Variants in NIM1K observed in about 807,000 individuals in gnomAD.
NIM1K encodes serine/threonine-protein kinase NIM1.
In NIM1K, 35 loss-of-function variants were observed where a neutral mutation model predicts 37.1. That is an observed-to-expected ratio of 0.94 (90% CI 0.72 to 1.25). The LOEUF (loss-of-function observed/expected upper bound fraction) is 1.25, where lower values mean the gene tolerates loss of function less well. Among genes scored for constraint, NIM1K ranks in the 50% most tolerant of loss-of-function variants. The pLI is 0.00. For missense variants in NIM1K, 564 were observed against 548.0 expected, an observed-to-expected ratio of 1.03 and a Z score of -0.29; for synonymous variants, 234 against 206.6, an observed-to-expected ratio of 1.13 and a Z score of -1.14.
chr5:43,201,871 A>G (rs991152714), intron 1 of NIM1K, among the ~76,000 whole-genome samples: 18 of 151,774 alleles, frequency 1.2e-4, no homozygotes, highest in African/African-American at 4.4e-4. Flanking sequence ...AGGCAGGAGA[A>G]TCACTTGAAC....
intron 2 of NIM1K, among the ~76,000 whole-genome samples, chr5:43,250,359 A>G (rs1351987982): frequency 6.6e-6 from 1 of 152,208 alleles, no homozygotes; most frequent in African/African-American, 2.4e-5. Context: ...CTTAGCCACT[A>G]TTGGTTAACA....
At chr5:43,273,348 C>T (rs999010002) in intron 2 of NIM1K, among the ~76,000 whole-genome samples, 1 of 151,974 alleles carries the variant, frequency 6.6e-6, no homozygotes, top group African/African-American at 2.4e-5. Context: ...GAATTACAGG[C>T]GGCTGCCACC....
At chr5:43,228,798 T>C (rs1752497488) in intron 1 of NIM1K, among the ~76,000 whole-genome samples, 2 of 152,096 alleles carry the variant, frequency 1.3e-5, no homozygotes, top group African/African-American at 2.4e-5. Context: ...TCCACTGTAC[T>C]CCAGCCTGGG....
chr5:43,204,744 C>A (rs966425373), intron 1 of NIM1K, among the ~76,000 whole-genome samples: 26 of 150,366 alleles, frequency 1.7e-4, no homozygotes, highest in Admixed American at 3.3e-4. Flanking sequence ...TGGTGGCTCA[C>A]GCCTGTAATC....
At chr5:43,279,207 G>A (rs368714628) in intron 3 of NIM1K, among the ~76,000 whole-genome samples, 2 of 152,252 alleles carry the variant, frequency 1.3e-5, no homozygotes, top group South Asian at 2.1e-4. Flanking sequence ...CGTAGTTAGC[G>A]TCATATATAG....
intron 1 of NIM1K, chr5:43,240,183 C>G (rs1202929223): frequency 1.3e-5 from 2 of 151,802 alleles, no homozygotes; most frequent in Non-Finnish European, 1.5e-5. Context: ...AAGTGATTCT[C>G]CCACTTTGGC....
chr5:43,214,727 A>C (rs964888910), intron 1 of NIM1K, among the ~76,000 whole-genome samples: 3 of 151,046 alleles, frequency 2.0e-5, no homozygotes, highest in Non-Finnish European at 2.9e-5. Flanking sequence ...GAGGCAGGAG[A>C]ATGGCGTGAA....
intron 2 of NIM1K, among the ~76,000 whole-genome samples, chr5:43,257,730 A>G (rs954232891): frequency 6.6e-6 from 1 of 151,946 alleles, no homozygotes; most frequent in Non-Finnish European, 1.5e-5. Flanking sequence ...AGTGGAGTCA[A>G]GAGAGGCTTT....
intron 1 of NIM1K, among the ~76,000 whole-genome samples, chr5:43,208,063 C>G (rs950705228): frequency 3.3e-5 from 5 of 152,094 alleles, no homozygotes; most frequent in African/African-American, 1.2e-4. Flanking sequence ...ACTGACCCCC[C>G]CTGGAATGTG....
At chr5:43,264,880 C>T (rs1309402004) in intron 2 of NIM1K, among the ~76,000 whole-genome samples, 2 of 152,158 alleles carry the variant, frequency 1.3e-5, no homozygotes, top group East Asian at 3.8e-4. Flanking sequence ...ACTTATGAAG[C>T]TTAGTTTGAC....
At chr5:43,241,799 T>A (rs1423953848) in intron 1 of NIM1K, among the ~76,000 whole-genome samples, 2 of 152,046 alleles carry the variant, frequency 1.3e-5, no homozygotes, top group Non-Finnish European at 2.9e-5. Context: ...AAAATTACAA[T>A]TTTATGTAGT....
At position 43,280,572 on chromosome 5, in the gene NIM1K, G is replaced by A; in HGVS notation, c.1154G>A (p.Gly385Glu). The A allele has an allele frequency of 6.2e-7, 1 of 1,614,088 alleles. No individual in the cohort carries two copies. The highest frequency in any genetic ancestry group is 8.5e-7 in the Non-Finnish European group (1 of 1,180,018). ...AGAGATGCTCGCAGCTCAATCACAG[G>A]GGTCTATAGAATTATTTTACATAGA... ...QGRDARSSIT[G>E]VYRIILHRVQ... The change falls in exon 4 of 4, where the codon GGG becomes GAG. Residue 385 changes from glycine (G) to glutamate (E), a missense_variant. Gly to Glu is a moderately conservative substitution (Grantham distance 98, BLOSUM62 -2). Transcript: ENST00000326035.
intron 1 of NIM1K, among the ~76,000 whole-genome samples, chr5:43,237,300 G>A (rs2112251448): frequency 6.6e-6 from 1 of 152,324 alleles, no homozygotes; most frequent in East Asian, 1.9e-4. Flanking sequence ...TACCAAGTAA[G>A]CTCTGTTTTC....
intron 1 of NIM1K, among the ~76,000 whole-genome samples, chr5:43,220,746 C>T (rs1165513834): frequency 6.6e-6 from 1 of 152,126 alleles, no homozygotes; most frequent in East Asian, 1.9e-4. Context: ...GCTCCATTTC[C>T]TCTTTTCCTT....
At chr5:43,204,024 C>G (rs67913249) in intron 1 of NIM1K, among the ~76,000 whole-genome samples, 41,791 of 143,356 alleles carry the variant, frequency 0.29, 6,613 homozygotes, top group Non-Finnish European at 0.34. Flanking sequence ...TAAACTCCAT[C>G]TCCAAAAAAA....
intron 1 of NIM1K, among the ~76,000 whole-genome samples, chr5:43,195,808 A>T (rs1250304492): frequency 6.6e-6 from 1 of 152,184 alleles, no homozygotes; most frequent in Non-Finnish European, 1.5e-5. Context: ...AGAATTTAAG[A>T]TTAGAGAGCA....
chr5:43,198,573 C>T (rs73751050), intron 1 of NIM1K, among the ~76,000 whole-genome samples: 9,488 of 151,974 alleles, frequency 0.062, 344 homozygotes, highest in South Asian at 0.081. Flanking sequence ...CAAACCTTTC[C>T]AGCCCACTTC....
intron 2 of NIM1K, among the ~76,000 whole-genome samples, chr5:43,256,430 C>G (rs1342898207): frequency 6.6e-6 from 1 of 152,202 alleles, no homozygotes; most frequent in African/African-American, 2.4e-5. Context: ...AACACAAGAA[C>G]AGTTTACACT....
At chr5:43,252,743 C>T (rs995787239) in intron 2 of NIM1K, among the ~76,000 whole-genome samples, 1 of 152,110 alleles carries the variant, frequency 6.6e-6, no homozygotes, top group Non-Finnish European at 1.5e-5. Flanking sequence ...CATGAGCCCC[C>T]TTTTAGGCTG....
Sources: allele counts gnomAD v4.1 joint callset (sites outside exome capture counted in the v4.1 genomes callset), GRCh38; gene constraint gnomAD v4.1.1; transcripts MANE v1.5; gene names NCBI Gene and HGNC (gene_info 2026-07-23, HGNC 2026-07-21).